The following PLXNA4 variants were observed in gnomAD, a reference collection of about 807,000 sequenced individuals.
The protein encoded by PLXNA4 is plexin-A4.
A neutral mutation model predicts 191.8 loss-of-function variants in PLXNA4; 44 were observed. That is an observed-to-expected ratio of 0.23 (90% confidence interval 0.18 to 0.29). The LOEUF (loss-of-function observed/expected upper bound fraction) is 0.29. Among genes scored for constraint, PLXNA4 ranks in the 10% least tolerant of loss-of-function variants. PLXNA4 has a pLI of 1.00. For missense variants in PLXNA4, 1,800 were observed against 2,488.8 expected (o/e 0.72, Z 5.89); for synonymous variants, 1,082 against 1,009.5 (o/e 1.07, Z -1.36).
intron 3 of PLXNA4, among the ~76,000 whole-genome samples, chr7:132,359,046 A>G (rs760254470): frequency 1.8e-4 from 27 of 152,278 alleles, no homozygotes; most frequent in Middle Eastern, 3.4e-3. Context: ...TTGACTAGTG[A>G]GGTGGCCCTG....
chr7:132,365,364 T>TGCGTGCGCGCGC (rs144384812), intron 3 of PLXNA4, among the ~76,000 whole-genome samples: 2 of 147,320 alleles, frequency 1.4e-5, no homozygotes, highest in African/African-American at 5.1e-5. Context: ...TGTGTGTGCG[T>TGCGTGCGCGCGC]GCGCGCGCAT....
chr7:132,321,769 C>A (rs1171368534), intron 3 of PLXNA4, among the ~76,000 whole-genome samples: 22 of 152,012 alleles, frequency 1.4e-4, no homozygotes, highest in Admixed American at 1.4e-3. Flanking sequence ...AAAAGGAGGC[C>A]CTTTGGAGAG....
chr7:132,538,741 G>A (rs887783985), intron 1 of PLXNA4, among the ~76,000 whole-genome samples: 1 of 152,126 alleles, frequency 6.6e-6, no homozygotes, highest in East Asian at 1.9e-4. Context: ...GGCTGCTGCC[G>A]CACCCCTTGT....
intron 2 of PLXNA4, among the ~76,000 whole-genome samples, chr7:132,638,567 A>T (rs1184222341): frequency 6.6e-6 from 1 of 152,062 alleles, no homozygotes; most frequent in African/African-American, 2.4e-5. Flanking sequence ...CAGGAGAATC[A>T]CTTGAACCCG....
intron 4 of PLXNA4, among the ~76,000 whole-genome samples, chr7:132,244,631 T>A (rs547572489): frequency 6.6e-6 from 1 of 152,218 alleles, no homozygotes; most frequent in East Asian, 1.9e-4. Flanking sequence ...TCCTTCACCT[T>A]GCCAGGACCT....
chr7:132,546,223 G>T (rs1800297777), intron 1 of PLXNA4, among the ~76,000 whole-genome samples: 1 of 152,136 alleles, frequency 6.6e-6, no homozygotes, highest in African/African-American at 2.4e-5. Flanking sequence ...CAGCACTGCA[G>T]AAAAAGGGCT....
chr7:132,240,835 C>A (rs1584888287), intron 5 of PLXNA4, among the ~76,000 whole-genome samples: 1 of 152,106 alleles, frequency 6.6e-6, no homozygotes, highest in Non-Finnish European at 1.5e-5. Context: ...TGTCATGATT[C>A]CCATGCCACC....
intron 12 of PLXNA4, among the ~76,000 whole-genome samples, chr7:132,201,128 G>A (rs574180289): frequency 1.3e-5 from 2 of 152,328 alleles, no homozygotes; most frequent in African/African-American, 4.8e-5. Flanking sequence ...ACAAAGAGAA[G>A]ATGATGGGAA....
At chr7:132,439,949 A>G (rs1795626286) in intron 3 of PLXNA4, among the ~76,000 whole-genome samples, 1 of 151,998 alleles carries the variant, frequency 6.6e-6, no homozygotes, top group Non-Finnish European at 1.5e-5. Flanking sequence ...TGGCTATTGG[A>G]AAACCTTATT....
At chr7:132,617,449 A>T (rs1803179252) in intron 2 of PLXNA4, among the ~76,000 whole-genome samples, 1 of 152,192 alleles carries the variant, frequency 6.6e-6, no homozygotes. Flanking sequence ...AGAGTGAAAA[A>T]TGCCTCTGTA....
At chr7:132,226,590 G>A (rs1798331581) in intron 7 of PLXNA4, among the ~76,000 whole-genome samples, 1 of 151,742 alleles carries the variant, frequency 6.6e-6, no homozygotes. Flanking sequence ...AAACACATAT[G>A]TAGACTTCTA....
At chr7:132,426,326 C>T (rs1795043187) in intron 3 of PLXNA4, among the ~76,000 whole-genome samples, 1 of 152,190 alleles carries the variant, frequency 6.6e-6, no homozygotes, top group South Asian at 2.1e-4. Context: ...AACACCCCTC[C>T]ACTGGCTGGG....
intron 4 of PLXNA4, among the ~76,000 whole-genome samples, chr7:132,257,085 G>A (rs1005773351): frequency 6.6e-6 from 1 of 152,198 alleles, no homozygotes; most frequent in Non-Finnish European, 1.5e-5. Context: ...CCTGTGAATG[G>A]CAGTGCCAGG....
At chr7:132,252,791 A>G (rs1457671199) in intron 4 of PLXNA4, among the ~76,000 whole-genome samples, 5 of 152,196 alleles carry the variant, frequency 3.3e-5, no homozygotes, top group Admixed American at 6.5e-5. Flanking sequence ...GTGGCTTTGT[A>G]TGTAGTAATG....
Position 132,252,854 on chromosome 7 carries a change from C to T in PLXNA4, c.1504-11688G>A, listed in dbSNP as rs537332989. Among the ~76,000 whole-genome samples, 13 of 152,030 alleles carry T rather than the reference C, an allele frequency of 8.6e-5. No individual in the cohort carries two copies. In the South Asian group the frequency reaches 1.5e-3, roughly 17 times the overall value. On this transcript the variant is annotated intron_variant, in intron 4 of 31. Coordinates refer to ENST00000321063, the MANE Select transcript of PLXNA4 (RefSeq NM_020911.2). Reference sequence around the variant, plus strand: ...TCCACAGGGGGCTGGCTAAAAAAATCGTGGCACATCTACACTCTAAGATAA... The same window carrying T: ...TCCACAGGGGGCTGGCTAAAAAAATTGTGGCACATCTACACTCTAAGATAA...
chr7:132,365,356 T>TGCGCGC (rs1382113654), intron 3 of PLXNA4, among the ~76,000 whole-genome samples: 50 of 87,696 alleles, frequency 5.7e-4, no homozygotes, highest in Middle Eastern at 4.9e-3. Flanking sequence ...TGTGTGTGTG[T>TGCGCGC]GTGTGCGTGC....
At chr7:132,473,073 G>C (rs1014713092) in intron 3 of PLXNA4, among the ~76,000 whole-genome samples, 3 of 152,262 alleles carry the variant, frequency 2.0e-5, no homozygotes, top group Admixed American at 2.0e-4. Context: ...AAGGTAGAGA[G>C]AGTGGGGGCA....
At chr7:132,422,947 G>A (rs1032644091) in intron 3 of PLXNA4, among the ~76,000 whole-genome samples, 2 of 152,220 alleles carry the variant, frequency 1.3e-5, no homozygotes, top group Admixed American at 6.5e-5. Flanking sequence ...CACAGCCGAG[G>A]GAGCCAGGCT....
chr7:132,517,113 A>G (rs577098874), intron 1 of PLXNA4, among the ~76,000 whole-genome samples: 2 of 152,332 alleles, frequency 1.3e-5, no homozygotes, highest in South Asian at 4.1e-4. Context: ...ACAACAGGTC[A>G]TTTAATCTCA....
Sources: allele counts gnomAD v4.1 joint callset (sites outside exome capture counted in the v4.1 genomes callset), GRCh38; gene constraint gnomAD v4.1.1; transcripts MANE v1.5; gene names NCBI Gene and HGNC (gene_info 2026-07-23, HGNC 2026-07-21).